XIRP1: variants seen among roughly 807,000 people sequenced by gnomAD.
XIRP1 encodes xin actin-binding repeat-containing protein 1.
For missense variants in XIRP1, 2,378 were observed against 2,345.4 expected (o/e 1.01, Z -0.29); for synonymous variants, 984 against 947.0 (o/e 1.04, Z -0.72).
rs1355489757 is a variant in XIRP1 at position 39,186,956 on chromosome 3, G to A, written c.2490C>T (p.Ile830=). ...EELVSGELPR[I]ICQVLRRPDV... The stretch of plus-strand genomic sequence containing the variant: ...CTGGCCGGCGCAGGACTTGGCAGAT[G>A]ATCCTGGGAAGTTCACCTGACACCA... The change falls in exon 2 of 2, where the codon ATC becomes ATT. Residue 830 remains isoleucine (I), a synonymous_variant. Transcript: ENST00000340369. 1 of 1,609,240 alleles carries A rather than the reference G, an allele frequency of 6.2e-7. No individual in the cohort carries two copies. Among genetic ancestry groups the A allele is most frequent in the African/African-American group, 1.3e-5 (1 of 74,938 alleles).
At position 39,189,381 on chromosome 3, in the gene XIRP1, A is replaced by C; in HGVS notation, c.65T>G (p.Leu22Arg). Residue 22 changes from leucine to arginine, a missense_variant, in exon 2 of 2, where the codon CTG becomes CGG. By Grantham distance (102) the Leu-to-Arg change is moderately radical. Transcript: ENST00000340369. The stretch of plus-strand genomic sequence containing the variant: ...CAGGGCTGGGGGTGGAGGGAGGGGC[A>C]GGTCCTCTGCAGTTGCCATCCTCAT... ...PTMRMATAED[L>R]PLPPPPALED... The C allele has an allele frequency of 1.2e-6, 2 of 1,611,112 alleles. No homozygotes were observed. Among genetic ancestry groups the C allele is most frequent in the Non-Finnish European group, 8.5e-7 (1 of 1,179,054 alleles).
Position 39,184,859 on chromosome 3 carries a change from C to G in XIRP1, c.4587G>C (p.Leu1529=). Residue 1529 remains leucine (L), a synonymous_variant, in exon 2 of 2, where the codon CTG becomes CTC. Coordinates refer to ENST00000340369, the MANE Select transcript of XIRP1 (RefSeq NM_194293.4). ...GAGCAACTTCCGTGCTGACCCGTGT[C>G]AGCTCCCCAAAGGCCTGCTCCACTG... ...EASVEQAFGE[L]TRVSTEVAQL... 1 of 1,609,370 alleles carries G rather than the reference C, an allele frequency of 6.2e-7. No individual in the cohort carries two copies. The highest frequency in any genetic ancestry group is 8.5e-7 in the Non-Finnish European group (1 of 1,176,228).
In XIRP1 at chr3:39,186,130, C is replaced by T. The variant is rs1000878264; in HGVS notation, c.3316G>A (p.Gly1106Arg). ...GGGATCCGGGGATCACTTCCACCCCCAGGCCTTATGTTGCTTTGGGTAGCC... is the reference window on the plus strand; with the variant it reads ...GGGATCCGGGGATCACTTCCACCCCTAGGCCTTATGTTGCTTTGGGTAGCC... ...AGATQSNIRP[G>R]GGSDPRIPAA... The change falls in exon 2 of 2, where the codon GGG becomes AGG. Residue 1106 changes from glycine to arginine, a missense_variant. Gly to Arg is a moderately radical substitution (Grantham distance 125, BLOSUM62 -2). Coordinates refer to ENST00000340369, the MANE Select transcript of XIRP1 (RefSeq NM_194293.4). 6.8e-6 allele frequency: 11 copies of T among 1,613,340 alleles called. No homozygotes were observed. The highest frequency in any genetic ancestry group is 9.3e-6 in the Non-Finnish European group (11 of 1,179,574).
Position 39,184,239 on chromosome 3 carries a change from G to C in XIRP1, c.5207C>G (p.Pro1736Arg), listed in dbSNP as rs1367887263. 4 of 1,614,068 alleles carry C rather than the reference G, an allele frequency of 2.5e-6. No individual in the cohort carries two copies. Among genetic ancestry groups the C allele is most frequent in the Non-Finnish European group, 2.5e-6 (3 of 1,180,018 alleles). ...QCSVQPEPAP[P>R]SASPLPRGWQ... ...CCCTCTGGGCAGGGGACTGGCTGAG[G>C]GAGGGGCAGGTTCAGGTTGCACAGA... The change falls in exon 2 of 2, where the codon CCC becomes CGC. Residue 1736 changes from proline (P) to arginine (R), a missense_variant. Pro to Arg is a moderately radical substitution (Grantham distance 103). Transcript: ENST00000340369.
Position 39,187,590 on chromosome 3 carries a change from G to A in XIRP1, c.1856C>T (p.Ala619Val), listed in dbSNP as rs201387899. 1.9e-6 allele frequency: 3 copies of A among 1,614,108 alleles called. No individual in the cohort carries two copies. Among genetic ancestry groups the A allele is most frequent in the East Asian group, 2.2e-5 (1 of 44,882 alleles). Residue 619 changes from alanine (A) to valine (V), a missense_variant, in exon 2 of 2, where the codon GCC becomes GTC. Transcript: ENST00000340369. ...KQGSEVTDPT[A>V]KAEAQSCTWM... ...GGTGCAGGACTGTGCCTCAGCCTTG[G>A]CTGTGGGATCTGTGACCTCTGACCC...
Position 39,187,791 on chromosome 3 carries a change from C to T in XIRP1, c.1655G>A (p.Trp552Ter), listed in dbSNP as rs879715894. 3 of 1,613,978 alleles carry T rather than the reference C, an allele frequency of 1.9e-6. No individual in the cohort carries two copies. Among genetic ancestry groups the T allele is most frequent in the Non-Finnish European group, 2.5e-6 (3 of 1,180,044 alleles). Residue 552 changes from tryptophan (W) to a stop codon, truncating the protein, a stop_gained, in exon 2 of 2, where the codon TGG becomes TAG. Coordinates refer to ENST00000340369, the MANE Select transcript of XIRP1 (RefSeq NM_194293.4). LOFTEE classifies it low-confidence loss of function (END_TRUNC). Reference sequence around the variant, plus strand: ...CTCCAGGGGCTGGGTCTCAAAAAGCCACCGAGCTGTGCCAACGTCCCCAGC... The same window carrying T: ...CTCCAGGGGCTGGGTCTCAAAAAGCTACCGAGCTGTGCCAACGTCCCCAGC... ...VVAGDVGTAR[W>*]LFETQPLEMI...
Position 39,189,538 on chromosome 3 carries a change from G to T in XIRP1, c.-80-13C>A. 2 of 1,506,544 alleles carry T rather than the reference G, an allele frequency of 1.3e-6. No homozygotes were observed. The highest frequency in any genetic ancestry group is 1.8e-6 in the Non-Finnish European group (2 of 1,127,228). 93.3% of individuals were successfully genotyped at this position (1,506,544 alleles called of 1,614,324 possible). ...TAGAGGCTGGATGCTGGGAGAAATG[G>T]TAGTAAACAGGGCTCAGAGTCAGAG... On this transcript the variant is annotated splice_polypyrimidine_tract_variant and intron_variant, in intron 1 of 1. Coordinates refer to ENST00000340369, the MANE Select transcript of XIRP1 (RefSeq NM_194293.4).
chr3:39,184,424 G>A lies in XIRP1; in HGVS notation c.5022C>T (p.Ser1674=), dbSNP rs1263217653. 9 of 1,614,190 alleles carry A rather than the reference G, an allele frequency of 5.6e-6. No homozygotes were observed. Among genetic ancestry groups the A allele is most frequent in the South Asian group, 2.2e-5 (2 of 91,082 alleles). The part of the protein sequence containing the change: ...RDSPSSPTFI[S]IQSATRKPLE... ...GAGGCTTCCTTGTGGCCGACTGGATGGAGATAAATGTTGGGGAGGAGGGAG... is the reference window on the plus strand; with the variant it reads ...GAGGCTTCCTTGTGGCCGACTGGATAGAGATAAATGTTGGGGAGGAGGGAG... Residue 1674 remains serine, a synonymous_variant, in exon 2 of 2, where the codon TCC becomes TCT. Transcript: ENST00000340369.
Position 39,185,554 on chromosome 3 carries a change from G to A in XIRP1, c.3892C>T (p.Pro1298Ser), listed in dbSNP as rs777511788. ...KDPLLHSHSS[P>S]AGQRTPGGSQ... ...CCTCCAGGGGTTCTCTGGCCAGCAG[G>A]GCTGCTGTGGGAGTGAAGAAGGGGG... Residue 1298 changes from proline (P) to serine (S), a missense_variant, in exon 2 of 2, where the codon CCT becomes TCT. Pro to Ser is a moderately conservative substitution (Grantham distance 74). Transcript: ENST00000340369. 2.5e-6 allele frequency: 4 copies of A among 1,570,482 alleles called. No homozygotes were observed. Among genetic ancestry groups the A allele is most frequent in the Non-Finnish European group, 3.5e-6 (4 of 1,157,782 alleles).
Position 39,184,945 on chromosome 3 carries a change from C to T in XIRP1, c.4501G>A (p.Val1501Met), listed in dbSNP as rs58805228. The stretch of plus-strand genomic sequence containing the variant: ...GGAGCAGCCCCTCCCAGCTGGGGCA[C>T]GGCCTCAAAGAGCCTCCGCAGGGCC... The part of the protein sequence containing the change: ...VQALRRLFEA[V>M]PQLGGAAPQA... The change falls in exon 2 of 2, where the codon GTG becomes ATG. Residue 1501 changes from valine (V) to methionine (M), a missense_variant. By Grantham distance (21) the Val-to-Met change is conservative (BLOSUM62 1). Transcript: ENST00000340369. The T allele has an allele frequency of 0.02, 31,851 of 1,561,690 alleles. 3,210 individuals carry two copies. In the African/African-American group the frequency reaches 0.27, roughly 13 times the overall value.
At position 39,187,766 on chromosome 3, in the gene XIRP1, C is replaced by T. The variant is rs747021305; in HGVS notation, c.1680G>A (p.Glu560=). The T allele has an allele frequency of 6.2e-7, 1 of 1,614,182 alleles. No individual in the cohort carries two copies. Among genetic ancestry groups the T allele is most frequent in the East Asian group, 2.2e-5 (1 of 44,884 alleles). The change falls in exon 2 of 2, where the codon GAG becomes GAA. Residue 560 remains glutamate (E), a synonymous_variant. Coordinates refer to ENST00000340369, the MANE Select transcript of XIRP1 (RefSeq NM_194293.4). ...CCTGCTGCTCCCGTTGGTGGATCAT[C>T]TCCAGGGGCTGGGTCTCAAAAAGCC... ...ARWLFETQPL[E]MIHQREQQER... is the part of the protein sequence containing the mutation.
At position 39,183,692 on chromosome 3, in the gene XIRP1, C is replaced by A. The variant is rs1350831804; in HGVS notation, c.*222G>T. ...GCTGGGAGCCCCCATCCTACCCCCA[C>A]GCCTGTGCAACTCTGTGGGCCTCTT... is the stretch of plus-strand genomic sequence containing the variant. On this transcript the variant is annotated 3_prime_UTR_variant, in exon 2 of 2. Coordinates refer to ENST00000340369, the MANE Select transcript of XIRP1 (RefSeq NM_194293.4). 5 of 720,834 alleles carry A rather than the reference C, an allele frequency of 6.9e-6. No individual in the cohort carries two copies. The highest frequency in any genetic ancestry group is 3.3e-5 in the Admixed American group (1 of 30,742). 44.7% of individuals were successfully genotyped at this position (720,834 alleles called of 1,614,324 possible).
Position 39,185,234 on chromosome 3 carries a change from G to T in XIRP1, c.4212C>A (p.Ser1404Arg). Residue 1404 changes from serine to arginine, a missense_variant, in exon 2 of 2, where the codon AGC becomes AGA. Coordinates refer to ENST00000340369, the MANE Select transcript of XIRP1 (RefSeq NM_194293.4). ...TCTTGGTGGGCCTGGGGGCCGTGGT[G>T]CTGAGGCCATGTTGTAAGCTGGGCT... ...HSQPSLQHGL[S>R]TTAPRPTKNQ... The T allele has an allele frequency of 6.2e-7, 1 of 1,614,182 alleles. No homozygotes were observed. Among genetic ancestry groups the T allele is most frequent in the Non-Finnish European group, 8.5e-7 (1 of 1,180,024 alleles).
rs755603662 is a variant in XIRP1, at chr3:39,184,352, G to GC, written c.5093dup (p.Ser1698ArgfsTer35). 6 of 1,614,162 alleles carry GC rather than the reference G, an allele frequency of 3.7e-6. No individual in the cohort carries two copies. Among genetic ancestry groups the GC allele is most frequent in the Non-Finnish European group, 5.1e-6 (6 of 1,180,046 alleles). ...GGCCTATGTCCTGAGCCAGTTGTGT[G>GC]CTTTTCACTGAGACATCAGGGTTGC... On this transcript the variant is annotated frameshift_variant, in exon 2 of 2. Coordinates refer to ENST00000340369, the MANE Select transcript of XIRP1 (RefSeq NM_194293.4). LOFTEE classifies it low-confidence loss of function (END_TRUNC).
rs1337849254 is a variant in XIRP1 at position 39,186,875 on chromosome 3, G to C, written c.2571C>G (p.Leu857=). Residue 857 remains leucine (L), a synonymous_variant, in exon 2 of 2, where the codon CTC becomes CTG. Coordinates refer to ENST00000340369, the MANE Select transcript of XIRP1 (RefSeq NM_194293.4). ...CTGGAGTTGGCAGCCTCAGCGGCTT[G>C]AGTTGGAGCTGGCCAGTTGGGTCTT... ...VQEDPTGQLQ[L]KPLRLPTPGS... 5 of 1,613,800 alleles carry C rather than the reference G, an allele frequency of 3.1e-6. No individual in the cohort carries two copies. The highest frequency in any genetic ancestry group is 4.2e-6 in the Non-Finnish European group (5 of 1,179,902).
intron 1 of XIRP1, among the ~76,000 whole-genome samples, chr3:39,191,707 G>T (rs75370740): frequency 0.14 from 21,542 of 152,026 alleles, 1,854 homozygotes; most frequent in Non-Finnish European, 0.19. Context: ...TGGTCTCCTA[G>T]GGCTGGGCCA....
chr3:39,191,536 G>A (rs139448216), intron 1 of XIRP1, among the ~76,000 whole-genome samples: 1 of 152,344 alleles, frequency 6.6e-6, no homozygotes, highest in East Asian at 1.9e-4. Flanking sequence ...AGGAGGCTCA[G>A]CAAGGCAGTA....
chr3:39,189,885 G>A (rs2040064189), intron 1 of XIRP1, among the ~76,000 whole-genome samples: 2 of 152,212 alleles, frequency 1.3e-5, no homozygotes, highest in South Asian at 2.1e-4. Context: ...AGTGGCCTGG[G>A]GGAATCCTGA....
In XIRP1 at chr3:39,186,126, C is replaced by A. The variant is rs1415136614; in HGVS notation, c.3320G>T (p.Gly1107Val). 6.2e-7 allele frequency: 1 copy of A among 1,613,200 alleles called. No individual in the cohort carries two copies. The highest frequency in any genetic ancestry group is 1.3e-5 in the African/African-American group (1 of 74,918). ...TGCTGGGATCCGGGGATCACTTCCA[C>A]CCCCAGGCCTTATGTTGCTTTGGGT... ...GATQSNIRPG[G>V]GSDPRIPAAP... Residue 1107 changes from glycine to valine, a missense_variant, in exon 2 of 2, where the codon GGT (glycine) becomes GTT (valine). By Grantham distance (109) the Gly-to-Val change is moderately radical. Coordinates refer to ENST00000340369, the MANE Select transcript of XIRP1 (RefSeq NM_194293.4).
Sources: gnomAD v4.1 joint callset for allele counts (sites outside exome capture counted in the v4.1 genomes callset) on GRCh38, gnomAD v4.1.1 for gene constraint, MANE v1.5 for transcripts, NCBI Gene and HGNC (gene_info 2026-07-23, HGNC 2026-07-21) for gene names.